The following DOCK2 variants were observed in gnomAD, a reference collection of about 807,000 sequenced individuals.
DOCK2 encodes the protein dedicator of cytokinesis 2.
DOCK2 carries 87 observed loss-of-function variants against 248.9 expected under a neutral mutation model. That is an observed-to-expected ratio of 0.35 (90% CI 0.29 to 0.42). The LOEUF (loss-of-function observed/expected upper bound fraction) is 0.42. Ranked by LOEUF, DOCK2 falls within the 10% of genes least tolerant of loss-of-function variation. DOCK2 has a pLI of 1.00. For synonymous variants in DOCK2, 805 were observed against 821.6 expected (o/e 0.98, Z 0.35); for missense variants, 1,747 against 2,300.2 (o/e 0.76, Z 4.92).
chr5:169,969,981 T>G (rs1365692146), intron 27 of DOCK2, among the ~76,000 whole-genome samples: 1 of 152,258 alleles, frequency 6.6e-6, no homozygotes, highest in Non-Finnish European at 1.5e-5. Context: ...ATGATGCTGG[T>G]CAAACCAAGC....
chr5:169,680,420 G>A (rs1448269932), intron 6 of DOCK2, among the ~76,000 whole-genome samples: 2 of 152,248 alleles, frequency 1.3e-5, no homozygotes, highest in African/African-American at 4.8e-5. Flanking sequence ...GGAAAAGCTT[G>A]TGGCCTGGAA....
chr5:169,878,169 A>G (rs2113487599), intron 27 of DOCK2, among the ~76,000 whole-genome samples: 1 of 152,290 alleles, frequency 6.6e-6, no homozygotes, highest in East Asian at 1.9e-4. Flanking sequence ...GAGTGAGGGA[A>G]GGAGGAGCAA....
At chr5:169,775,066 G>A in intron 25 of DOCK2, among the ~76,000 whole-genome samples, 1 of 151,990 alleles carries the variant, frequency 6.6e-6, no homozygotes, top group Non-Finnish European at 1.5e-5. Context: ...GAGCCACCAT[G>A]CCTGGCTAAT....
intron 27 of DOCK2, among the ~76,000 whole-genome samples, chr5:169,966,949 T>C (rs1777323094): frequency 6.6e-6 from 1 of 152,380 alleles, no homozygotes; most frequent in South Asian, 2.1e-4. Context: ...ACACATGCTA[T>C]GTAGATAGCT....
chr5:169,967,910 G>A (rs1041276627), intron 27 of DOCK2, among the ~76,000 whole-genome samples: 10 of 152,180 alleles, frequency 6.6e-5, no homozygotes, highest in African/African-American at 2.4e-4. Context: ...AAAGGACTAT[G>A]GCTGGATTAC....
At chr5:169,643,108 C>T (rs1276411163) in intron 1 of DOCK2, among the ~76,000 whole-genome samples, 1 of 152,222 alleles carries the variant, frequency 6.6e-6, no homozygotes, top group African/African-American at 2.4e-5. Flanking sequence ...CTCCTTTCTT[C>T]CCCCTTCCCT....
intron 27 of DOCK2, among the ~76,000 whole-genome samples, chr5:169,930,707 C>T (rs1330953207): frequency 1.3e-5 from 2 of 152,184 alleles, no homozygotes; most frequent in Non-Finnish European, 2.9e-5. Context: ...AGAAGGGTTG[C>T]TTCTCTCACT....
At chr5:169,917,005 A>G (rs1409896972) in intron 27 of DOCK2, among the ~76,000 whole-genome samples, 3 of 152,224 alleles carry the variant, frequency 2.0e-5, no homozygotes, top group African/African-American at 4.8e-5. Flanking sequence ...CATTGCAAAT[A>G]TGGTGGATCT....
intron 24 of DOCK2, among the ~76,000 whole-genome samples, chr5:169,760,199 G>A (rs1764406421): frequency 1.3e-5 from 2 of 152,286 alleles, no homozygotes; most frequent in South Asian, 4.1e-4. Context: ...ACTACGTTCA[G>A]CTCATAGATG....
At chr5:169,722,305 T>C (rs957653957) in intron 22 of DOCK2, among the ~76,000 whole-genome samples, 3 of 152,218 alleles carry the variant, frequency 2.0e-5, no homozygotes, top group Non-Finnish European at 2.9e-5. Flanking sequence ...CCCTGTTCCA[T>C]GTGATGGACA....
rs545086081 is a variant in DOCK2, at chr5:169,764,168, G to A, written c.2554+2543G>A. On this transcript the variant is annotated intron_variant, in intron 25 of 51. Coordinates refer to ENST00000520908, the MANE Select transcript of DOCK2 (RefSeq NM_004946.3). The surrounding 1 kb of genome is among the most constrained non-coding windows in gnomAD (Gnocchi z 4.3). ...GTGAAGTGTCCTGTGCCTCGGGGAC[G>A]TGATTTGCTTTGAGCCTGCACTCAT... Among the ~76,000 whole-genome samples the A allele has an allele frequency of 1.4e-4, 22 of 152,310 alleles. No homozygotes were observed. The highest frequency in any genetic ancestry group is 4.3e-4 in the African/African-American group (18 of 41,566).
chr5:170,075,068 C>T (rs546474014), intron 46 of DOCK2, among the ~76,000 whole-genome samples: 10 of 152,332 alleles, frequency 6.6e-5, no homozygotes, highest in East Asian at 5.8e-4. Flanking sequence ...TTCTCCTTCA[C>T]CTTGTCATTT....
intron 27 of DOCK2, among the ~76,000 whole-genome samples, chr5:169,942,087 T>C (rs761754496): frequency 6.6e-6 from 1 of 152,224 alleles, no homozygotes; most frequent in Non-Finnish European, 1.5e-5. Context: ...CTGTCTCTAA[T>C]TTCTTTTTTC....
intron 27 of DOCK2, among the ~76,000 whole-genome samples, chr5:169,852,043 T>C (rs1048684344): frequency 1.3e-5 from 2 of 152,210 alleles, no homozygotes; most frequent in African/African-American, 4.8e-5. Flanking sequence ...GGGGCCTTCA[T>C]TGGCCACATA....
At chr5:169,887,926 T>C (rs1773064583) in intron 27 of DOCK2, among the ~76,000 whole-genome samples, 1 of 152,220 alleles carries the variant, frequency 6.6e-6, no homozygotes, top group Admixed American at 6.5e-5. Context: ...TTTTTAATCA[T>C]TGCCAATAAA....
intron 27 of DOCK2, among the ~76,000 whole-genome samples, chr5:169,943,802 T>C (rs1426107337): frequency 6.6e-6 from 1 of 152,178 alleles, no homozygotes; most frequent in East Asian, 1.9e-4. Context: ...ACCTGTGTTT[T>C]AGCCAGCCCC....
At chr5:169,825,065 A>G (rs1444510458) in intron 26 of DOCK2, among the ~76,000 whole-genome samples, 2 of 152,216 alleles carry the variant, frequency 1.3e-5, no homozygotes, top group Non-Finnish European at 2.9e-5. Context: ...CAAAACCACA[A>G]TGAGATACCA....
chr5:169,664,139 C>T (rs1192271878), intron 2 of DOCK2, among the ~76,000 whole-genome samples: 1 of 152,194 alleles, frequency 6.6e-6, no homozygotes. Context: ...TAAATCATCT[C>T]TCTTAAGTTC....
intron 34 of DOCK2, among the ~76,000 whole-genome samples, chr5:170,029,079 C>T (rs1756031771): frequency 6.6e-6 from 1 of 152,098 alleles, no homozygotes; most frequent in Non-Finnish European, 1.5e-5. Context: ...GTTTACAGTT[C>T]TCTGGGGTAT....
Sources: gnomAD v4.1 joint callset for allele counts (sites outside exome capture counted in the v4.1 genomes callset) on GRCh38, gnomAD v4.1.1 for gene constraint, Gnocchi (gnomAD v3.1) non-coding constraint, MANE v1.5 for transcripts, NCBI Gene and HGNC (gene_info 2026-07-23, HGNC 2026-07-21) for gene names.